NDUFB9: variants seen among roughly 807,000 people sequenced by gnomAD.
The protein encoded by NDUFB9 is NADH dehydrogenase [ubiquinone] 1 beta subcomplex subunit 9.
NDUFB9 carries 24 observed loss-of-function variants against 30.2 expected under a neutral mutation model. That is an observed-to-expected ratio of 0.80 (90% CI 0.58 to 1.12). The LOEUF (loss-of-function observed/expected upper bound fraction) is 1.12, where lower values mean the gene tolerates loss of function less well. NDUFB9 is among the 50% of genes most tolerant of loss of function. The pLI is 0.00. For synonymous variants in NDUFB9, 80 were observed against 84.0 expected (o/e 0.95, Z 0.26); for missense variants, 204 against 226.0 (o/e 0.90, Z 0.62).
At chr8:124,549,643 A>T in intron 3 of NDUFB9, 118 bp from the exon 4 acceptor site, 2 of 925,300 alleles carry the variant, frequency 2.2e-6, no homozygotes, top group South Asian at 2.7e-5. Flanking sequence ...TTGTGATCAG[A>T]TAGTGTGTAA....
chr8:124,542,666 T>G (rs2131605689), intron 1 of NDUFB9, among the ~76,000 whole-genome samples: 1 of 152,346 alleles, frequency 6.6e-6, no homozygotes, highest in South Asian at 2.1e-4. Flanking sequence ...TTCTGCCAAG[T>G]AACACCTTTC....
intron 1 of NDUFB9, 45 bp from the exon 2 acceptor site, chr8:124,543,042 G>A (rs763555858): frequency 1.8e-5 from 28 of 1,597,648 alleles, no homozygotes; most frequent in Middle Eastern, 4.1e-4. Flanking sequence ...CACTGACCAC[G>A]TGAGTAGGTA....
At chr8:124,543,428 T>C (rs1822075970) in intron 2 of NDUFB9, 149 bp downstream of exon 2, 3 of 801,744 alleles carry the variant, frequency 3.7e-6, no homozygotes, top group Non-Finnish European at 6.0e-6. Flanking sequence ...CCTCATTTTA[T>C]TGCATTTTGT....
rs982104421 is a variant in NDUFB9 at position 124,546,813 on chromosome 8, G to A, written c.295-187G>A. ...TTTCAGCACAGTCTTTGACTCTAAGGTGTTTTCCTTTATCTTTGCTTCCTA... is the reference window on the plus strand; with the variant it reads ...TTTCAGCACAGTCTTTGACTCTAAGATGTTTTCCTTTATCTTTGCTTCCTA... On this transcript the variant is annotated intron_variant, in intron 2 of 3. Coordinates refer to ENST00000276689, the MANE Select transcript of NDUFB9 (RefSeq NM_005005.3). 17 of 637,102 alleles carry A rather than the reference G, an allele frequency of 2.7e-5. No individual in the cohort carries two copies. The African/African-American group carries it at 3.1e-4, about 12-fold the overall frequency. The allele number at this position is 637,102 out of a possible 1,614,324, so 39.5% of individuals were successfully genotyped here.
At chr8:124,541,633 C>T (rs987852124) in intron 1 of NDUFB9, among the ~76,000 whole-genome samples, 2 of 152,144 alleles carry the variant, frequency 1.3e-5, no homozygotes, top group African/African-American at 2.4e-5. Context: ...GACGGAGTTT[C>T]GCTTATGTTG....
At chr8:124,541,857 C>A (rs1822004547) in intron 1 of NDUFB9, among the ~76,000 whole-genome samples, 1 of 151,696 alleles carries the variant, frequency 6.6e-6, no homozygotes, top group Non-Finnish European at 1.5e-5. Context: ...CCACCTCAGC[C>A]TCCCAAAGTG....
intron 2 of NDUFB9, 125 bp from the exon 3 acceptor site, chr8:124,546,875 A>T (rs1225459499): frequency 3.8e-6 from 3 of 779,504 alleles, no homozygotes; most frequent in Non-Finnish European, 7.0e-6. Context: ...AGTTAGAAAC[A>T]GTCTGGTAGT....
At position 124,543,178 on chromosome 8, in the gene NDUFB9, A is replaced by G; in HGVS notation, c.193A>G (p.Lys65Glu). Reference protein sequence around the residue: ...KDMAKATQLLKEAEEEFWYRQ... With the variant: ...KDMAKATQLLEEAEEEFWYRQ... ...TATGGCGAAGGCCACCCAGCTGCTG[A>G]AGGAGGCCGAGGAAGAATTCTGGTA... The change falls in exon 2 of 4, where the codon AAG (lysine) becomes GAG (glutamate). Residue 65 changes from lysine (K) to glutamate (E), a missense_variant. Lys to Glu is a moderately conservative substitution (Grantham distance 56). Transcript: ENST00000276689. 4 of 1,614,228 alleles carry G rather than the reference A, an allele frequency of 2.5e-6. No homozygotes were observed. The highest frequency in any genetic ancestry group is 3.4e-6 in the Non-Finnish European group (4 of 1,180,016).
chr8:124,546,249 C>T (rs1822156661), intron 2 of NDUFB9, among the ~76,000 whole-genome samples: 1 of 152,194 alleles, frequency 6.6e-6, no homozygotes, highest in Admixed American at 6.5e-5. Context: ...AAATGGGAAT[C>T]AATCCTCTCA....
chr8:124,543,427 A>G (rs1822075887), intron 2 of NDUFB9, 148 bp downstream of exon 2: 2 of 808,220 alleles, frequency 2.5e-6, no homozygotes, highest in African/African-American at 1.7e-5. Flanking sequence ...ACCTCATTTT[A>G]TTGCATTTTG....
chr8:124,546,907 T>A, intron 2 of NDUFB9, 93 bp from the exon 3 acceptor site: 1 of 877,014 alleles, frequency 1.1e-6, no homozygotes, highest in Non-Finnish European at 2.0e-6. Context: ...TAAAAATATA[T>A]CTTGATCTTT....
chr8:124,549,113 C>T (rs1037600461), intron 3 of NDUFB9, among the ~76,000 whole-genome samples: 1 of 152,222 alleles, frequency 6.6e-6, no homozygotes, highest in Non-Finnish European at 1.5e-5. Flanking sequence ...TTACACATCC[C>T]ATCACTTCAA....
intron 1 of NDUFB9, chr8:124,539,507 T>C (rs1206863262): frequency 1.8e-6 from 1 of 565,930 alleles, no homozygotes. Context: ...GGCGTCAGCT[T>C]TTTGTTTAGT....
At chr8:124,540,532 T>C (rs893748139) in intron 1 of NDUFB9, among the ~76,000 whole-genome samples, 8 of 152,146 alleles carry the variant, frequency 5.3e-5, no homozygotes, top group African/African-American at 1.7e-4. Context: ...AAATATCACA[T>C]GTACCCCATA....
chr8:124,539,212 A>C lies in NDUFB9; in HGVS notation c.26A>C (p.Tyr9Ser), dbSNP rs747887062. ...ATGGCGTTCTTGGCGTCGGGACCCTACCTGACCCATCAGCAAAAGGTGTTG... is the reference window on the plus strand; with the variant it reads ...ATGGCGTTCTTGGCGTCGGGACCCTCCCTGACCCATCAGCAAAAGGTGTTG... MAFLASGP[Y>S]LTHQQKVLRL... Residue 9 changes from tyrosine (Y) to serine (S), a missense_variant, in exon 1 of 4, where the codon TAC (tyrosine) becomes TCC (serine). By Grantham distance (144) the Tyr-to-Ser change is moderately radical. Coordinates refer to ENST00000276689, the MANE Select transcript of NDUFB9 (RefSeq NM_005005.3). 1.9e-6 allele frequency: 3 copies of C among 1,613,980 alleles called. No homozygotes were observed. In the African/African-American group the frequency reaches 4.0e-5, roughly 22 times the overall value.
At chr8:124,543,041 CG>C (rs771300291) in intron 1 of NDUFB9, 45 bp from the exon 2 acceptor site, 11 of 1,595,332 alleles carry the variant, frequency 6.9e-6, no homozygotes, top group Non-Finnish European at 8.6e-6. Context: ...ACACTGACCA[CG>C]TGAGTAGGTA....
Position 124,549,923 on chromosome 8 carries a change from A to G in NDUFB9, c.*31A>G, listed in dbSNP as rs368134205. On this transcript the variant is annotated 3_prime_UTR_variant, in exon 4 of 4. Transcript: ENST00000276689. ...GAGAGACCTCATCTTTCATGCTTGC[A>G]AGTGAAATATGTTACAGAACATGCA... 4.0e-5 allele frequency: 64 copies of G among 1,613,874 alleles called. No individual in the cohort carries two copies. Among genetic ancestry groups the G allele is most frequent in the Non-Finnish European group, 5.2e-5 (61 of 1,179,918 alleles).
chr8:124,549,821 G>T lies in NDUFB9; in HGVS notation c.469G>T (p.Ala157Ser). The T allele has an allele frequency of 1.2e-6, 2 of 1,614,172 alleles. No homozygotes were observed. The highest frequency in any genetic ancestry group is 2.2e-5 in the East Asian group (1 of 44,886). ...TCCTTTAACTGAAGCTTTGCCCCCT[G>T]CCCGAAAGGAAGGTGATTTGCCCCC... is the stretch of plus-strand genomic sequence containing the variant. Reference protein sequence around the residue: ...GGPLTEALPPARKEGDLPPLW... With the variant: ...GGPLTEALPPSRKEGDLPPLW... Residue 157 changes from alanine (A) to serine (S), a missense_variant, in exon 4 of 4, where the codon GCC becomes TCC. By Grantham distance (99) the Ala-to-Ser change is moderately conservative. Coordinates refer to ENST00000276689, the MANE Select transcript of NDUFB9 (RefSeq NM_005005.3).
In NDUFB9 at chr8:124,547,111, G is replaced by C. The variant is rs1454674969; in HGVS notation, c.406G>C (p.Glu136Gln). Reference sequence around the variant, plus strand: ...ACTGCGGAGGGAAAGCTGGGAACGAGAGGTGCGTTCTACTTGTACTTCGTT... The same window carrying C: ...ACTGCGGAGGGAAAGCTGGGAACGACAGGTGCGTTCTACTTGTACTTCGTT... ...KKLRRESWEREVKQLQEETPP... is the reference protein window; with the variant it reads ...KKLRRESWERQVKQLQEETPP... Residue 136 changes from glutamate to glutamine, a missense_variant and splice_region_variant, in exon 3 of 4, where the codon GAG becomes CAG. Glu to Gln is a conservative substitution (Grantham distance 29). Transcript: ENST00000276689. 6.2e-7 allele frequency: 1 copy of C among 1,609,526 alleles called. No individual in the cohort carries two copies. Among genetic ancestry groups the C allele is most frequent in the East Asian group, 2.2e-5 (1 of 44,876 alleles).
Sources: allele counts gnomAD v4.1 joint callset (sites outside exome capture counted in the v4.1 genomes callset), GRCh38; gene constraint gnomAD v4.1.1; transcripts MANE v1.5; gene names NCBI Gene and HGNC (gene_info 2026-07-23, HGNC 2026-07-21).